EFHD1: variants seen among roughly 807,000 people sequenced by gnomAD.
EFHD1 encodes EF-hand domain-containing protein D1.
Under a neutral mutation model 17.2 loss-of-function variants are expected in EFHD1, and 10 were observed. The ratio of observed to expected loss-of-function variants is 0.58; its 90% confidence interval spans 0.36 to 0.99. The LOEUF is 0.99. EFHD1 is among the 50% of genes least tolerant of loss of function. EFHD1 has a pLI of 0.01. For synonymous variants in EFHD1, 153 were observed against 142.0 expected (o/e 1.08, Z -0.55); for missense variants, 310 against 327.5 (o/e 0.95, Z 0.41).
intron 1 of EFHD1, among the ~76,000 whole-genome samples, chr2:232,660,037 A>G (rs1375707338): frequency 1.3e-5 from 2 of 152,060 alleles, no homozygotes; most frequent in African/African-American, 2.4e-5. Context: ...CCATGATCCA[A>G]CCGCCTCCCA....
At chr2:232,643,475 A>G (rs1180940874) in intron 1 of EFHD1, among the ~76,000 whole-genome samples, 1 of 146,408 alleles carries the variant, frequency 6.8e-6, no homozygotes, top group African/African-American at 2.5e-5. Context: ...TGGTACGATC[A>G]TGGCTCACTG....
At chr2:232,616,449 C>T (rs1693930502) in intron 1 of EFHD1, among the ~76,000 whole-genome samples, 1 of 152,260 alleles carries the variant, frequency 6.6e-6, no homozygotes, top group African/African-American at 2.4e-5. Flanking sequence ...CAGGCACACG[C>T]CACCACACCC....
intron 1 of EFHD1, among the ~76,000 whole-genome samples, chr2:232,650,895 T>A (rs534572550): frequency 1.3e-5 from 2 of 152,136 alleles, no homozygotes; most frequent in East Asian, 3.9e-4. Flanking sequence ...TAATTAAAAA[T>A]ATATATGTAT....
intron 3 of EFHD1, among the ~76,000 whole-genome samples, chr2:232,681,090 A>G (rs916827449): frequency 6.6e-5 from 10 of 152,066 alleles, no homozygotes; most frequent in African/African-American, 2.4e-4. Context: ...TGGGAGATGG[A>G]GATTGCAGTG....
At chr2:232,632,130 C>T (rs529179729), upstream of EFHD1, among the ~76,000 whole-genome samples, 474 of 152,300 alleles carry the variant, frequency 3.1e-3, 2 homozygotes, top group African/African-American at 0.01. Flanking sequence ...AGCCAACCTT[C>T]TAGTCACCAC....
chr2:232,647,366 T>C (rs925376259), intron 1 of EFHD1, among the ~76,000 whole-genome samples: 2 of 152,238 alleles, frequency 1.3e-5, no homozygotes, highest in African/African-American at 2.4e-5. Context: ...TCCGCTTGCG[T>C]TGGGCTGGCT....
intron 1 of EFHD1, among the ~76,000 whole-genome samples, chr2:232,649,129 A>G (rs949870625): frequency 6.6e-6 from 1 of 152,210 alleles, no homozygotes; most frequent in African/African-American, 2.4e-5. Flanking sequence ...AGCCAAGAGA[A>G]TAAGTGACTG....
intron 3 of EFHD1, among the ~76,000 whole-genome samples, chr2:232,680,905 G>T (rs1036177640): frequency 6.6e-6 from 1 of 151,622 alleles, no homozygotes; most frequent in East Asian, 2.0e-4. Flanking sequence ...AGTGGCTCAC[G>T]CCTGTAATCC....
At chr2:232,663,216 T>A (rs546745491) in intron 2 of EFHD1, among the ~76,000 whole-genome samples, 17 of 152,284 alleles carry the variant, frequency 1.1e-4, no homozygotes, top group African/African-American at 3.9e-4. Flanking sequence ...TAGTGGATAT[T>A]TATGGGGGCA....
At chr2:232,616,537 G>A (rs1693931607) in intron 1 of EFHD1, among the ~76,000 whole-genome samples, 2 of 152,112 alleles carry the variant, frequency 1.3e-5, no homozygotes, top group Non-Finnish European at 2.9e-5. Context: ...GACCTCAGGT[G>A]ATCTACCCAC....
At chr2:232,650,752 G>T (rs544081552) in intron 1 of EFHD1, among the ~76,000 whole-genome samples, 3 of 145,718 alleles carry the variant, frequency 2.1e-5, no homozygotes, top group East Asian at 4.1e-4. Flanking sequence ...CATTTTTAGT[G>T]GAGATGGGGT....
intron 3 of EFHD1, among the ~76,000 whole-genome samples, chr2:232,673,822 A>C (rs1695122097): frequency 6.6e-6 from 1 of 151,386 alleles, no homozygotes. Context: ...TGCAACTTTG[A>C]CCCAACTTTT....
chr2:232,629,476 CT>C (rs967179050), upstream of EFHD1, among the ~76,000 whole-genome samples: 4 of 149,846 alleles, frequency 2.7e-5, no homozygotes, highest in Admixed American at 6.7e-5. Context: ...TTTTCTTTTT[CT>C]TTTTTTTTTC....
intron 1 of EFHD1, among the ~76,000 whole-genome samples, chr2:232,646,429 TTCTCTTC>T (rs1694528833): frequency 6.9e-6 from 1 of 144,080 alleles, no homozygotes; most frequent in African/African-American, 2.6e-5. Context: ...TTCTCTTCTC[TTCTCTTC>T]TTTTTTTTTT....
intron 2 of EFHD1, among the ~76,000 whole-genome samples, chr2:232,666,180 A>G (rs1256759312): frequency 6.6e-6 from 1 of 152,208 alleles, no homozygotes; most frequent in Non-Finnish European, 1.5e-5. Context: ...TACGATTCAC[A>G]GGGCTGGGCA....
intron 1 of EFHD1, among the ~76,000 whole-genome samples, chr2:232,656,865 A>G (rs1462181917): frequency 6.6e-6 from 1 of 152,112 alleles, no homozygotes; most frequent in South Asian, 2.1e-4. Flanking sequence ...TGTAGCCTCA[A>G]ACTCTTGTGC....
chr2:232,677,785 G>A (rs1036787265), intron 3 of EFHD1, among the ~76,000 whole-genome samples: 2 of 152,000 alleles, frequency 1.3e-5, no homozygotes, highest in African/African-American at 4.8e-5. Context: ...GTTAAATGTT[G>A]GGAAATGTAA....
chr2:232,611,349 T>C (rs1218119775), intron 1 of EFHD1: 1 of 152,122 alleles, frequency 6.6e-6, no homozygotes, highest in African/African-American at 2.4e-5. Flanking sequence ...CTCCTGAGTC[T>C]CTCTGAAGCC....
chr2:232,656,362 G>A (rs1041423654), intron 1 of EFHD1, among the ~76,000 whole-genome samples: 6 of 151,936 alleles, frequency 3.9e-5, no homozygotes, highest in Admixed American at 1.3e-4. Context: ...GCAAGTGAGC[G>A]CCATTTCTCT....
Sources: allele counts gnomAD v4.1 joint callset (sites outside exome capture counted in the v4.1 genomes callset), GRCh38; gene constraint gnomAD v4.1.1; transcripts MANE v1.5; gene names NCBI Gene and HGNC (gene_info 2026-07-23, HGNC 2026-07-21).